Variants in DYSF observed in about 807,000 individuals in gnomAD.
DYSF encodes dystrophy-associated fer-1-like 1.
DYSF carries 212 observed loss-of-function variants against 274.9 expected under a neutral mutation model. That is an observed-to-expected ratio of 0.77 (90% CI 0.69 to 0.86). The LOEUF (loss-of-function observed/expected upper bound fraction) is 0.86, where lower values mean the gene tolerates loss of function less well. Ranked by LOEUF, DYSF falls within the 40% of genes least tolerant of loss-of-function variation. The probability of loss-of-function intolerance (pLI) is 0.00; values close to 1 mark genes in which losing one functional copy is unlikely to be tolerated. For synonymous variants in DYSF, 1,091 were observed against 1,078.7 expected, an observed-to-expected ratio of 1.01 and a Z score of -0.22; for missense variants, 2,666 against 2,783.2, an observed-to-expected ratio of 0.96 and a Z score of 0.95.
At chr2:71,680,905 A>T in intron 53 of DYSF, 96 bp from the exon 54 acceptor site, 3 of 942,308 alleles carry the variant, frequency 3.2e-6, no homozygotes. Context: ...TTTTTTAAAT[A>T]ATGAAGTGGC....
intron 46 of DYSF, among the ~76,000 whole-genome samples, 182 bp from the exon 47 acceptor site, chr2:71,664,980 C>T (rs1340649018): frequency 6.6e-6 from 1 of 152,232 alleles, no homozygotes; most frequent in African/African-American, 2.4e-5. Context: ...TCTCTCTGAG[C>T]CTCCATTTCT....
intron 3 of DYSF, among the ~76,000 whole-genome samples, chr2:71,492,027 C>G (rs1008348743): frequency 6.6e-6 from 1 of 152,084 alleles, no homozygotes; most frequent in African/African-American, 2.4e-5. Context: ...GATTATTTAC[C>G]CTTCACTGCC....
chr2:71,574,397 C>G, intron 30 of DYSF, 26 bp downstream of exon 30: 1 of 1,611,358 alleles, frequency 6.2e-7, no homozygotes, highest in South Asian at 1.1e-5. Flanking sequence ...CTTGTCCTGG[C>G]TTGGGTAGGG....
chr2:71,453,734 A>G (rs2080933642), exon 1 of DYSF: 3 of 541,238 alleles, frequency 5.5e-6, no homozygotes, highest in African/African-American at 1.9e-5. Context: ...GTGGAAGATG[A>G]GCAGAAGCCC....
At chr2:71,504,420 A>G (rs2085289272) in intron 4 of DYSF, among the ~76,000 whole-genome samples, 1 of 152,118 alleles carries the variant, frequency 6.6e-6, no homozygotes, top group Non-Finnish European at 1.5e-5. Context: ...CACTGGCAGA[A>G]TGTTCTGGTT....
At chr2:71,584,434 C>T (rs933493047) in intron 30 of DYSF, among the ~76,000 whole-genome samples, 1 of 152,150 alleles carries the variant, frequency 6.6e-6, no homozygotes, top group Non-Finnish European at 1.5e-5. Flanking sequence ...CATTCCATCC[C>T]ACCCCACAGA....
At chr2:71,493,713 A>G (rs1265367260) in intron 3 of DYSF, among the ~76,000 whole-genome samples, 3 of 152,090 alleles carry the variant, frequency 2.0e-5, no homozygotes, top group African/African-American at 4.8e-5. Context: ...TTAGCCAGGC[A>G]TGATGGCATG....
chr2:71,567,915 G>A (rs760614927), intron 24 of DYSF, 36 bp from the exon 25 acceptor site: 19 of 1,611,830 alleles, frequency 1.2e-5, no homozygotes, highest in African/African-American at 1.3e-5. Context: ...GGATCCTGAA[G>A]GGGACTGTGG....
chr2:71,592,491 C>T lies in DYSF; in HGVS notation c.3574+2203C>T, dbSNP rs573171168. 3.3e-5 allele frequency among the ~76,000 whole-genome samples: 5 copies of T among 152,392 alleles called. No homozygotes were observed. In the East Asian group the frequency reaches 7.7e-4, roughly 23 times the overall value. The stretch of plus-strand genomic sequence containing the variant: ...ATAAAACCCAGAGTGTTTATTTTCA[C>T]TCCCAAACCCTAAACCAAAGCAATT... On this transcript the variant is annotated intron_variant, in intron 32 of 55. Coordinates refer to ENST00000410020, the MANE Select transcript of DYSF (RefSeq NM_001130987.2).
intron 40 of DYSF, among the ~76,000 whole-genome samples, 198 bp downstream of exon 40, chr2:71,613,608 A>C (rs1327995195): frequency 2.0e-5 from 3 of 152,152 alleles, no homozygotes; most frequent in African/African-American, 7.2e-5. Context: ...GGGTGTGCTC[A>C]TCTGGGCAAG....
At chr2:71,512,988 C>T (rs931619828) in intron 5 of DYSF, among the ~76,000 whole-genome samples, 1 of 151,996 alleles carries the variant, frequency 6.6e-6, no homozygotes, top group East Asian at 1.9e-4. Context: ...AGGGAGGGTC[C>T]GAATACTCTG....
At chr2:71,515,920 CCTGCTCTTACTTCT>C (rs2152734907) in intron 8 of DYSF, among the ~76,000 whole-genome samples, 169 bp downstream of exon 8, 1 of 152,272 alleles carries the variant, frequency 6.6e-6, no homozygotes, top group East Asian at 1.9e-4. Flanking sequence ...AGAAAGGGCT[CCTGCTCTTACTTCT>C]CCTGCTGCTC....
At chr2:71,513,076 T>A (rs1216183766) in intron 5 of DYSF, among the ~76,000 whole-genome samples, 164 bp from the exon 6 acceptor site, 4 of 151,526 alleles carry the variant, frequency 2.6e-5, no homozygotes, top group Non-Finnish European at 5.9e-5. Flanking sequence ...TGGGAGGTGG[T>A]GAGAAGGAAC....
chr2:71,537,184 A>G (rs1047095872), intron 16 of DYSF, among the ~76,000 whole-genome samples: 7 of 147,228 alleles, frequency 4.8e-5, no homozygotes, highest in African/African-American at 1.8e-4. Flanking sequence ...TGAGAATATC[A>G]CTGTAAAATA....
chr2:71,543,240 A>G (rs2090118536), intron 17 of DYSF, among the ~76,000 whole-genome samples: 1 of 38,388 alleles, frequency 2.6e-5, no homozygotes, highest in African/African-American at 5.8e-5. Context: ...GGCCGGGCAG[A>G]GGCGCTCCTC....
At chr2:71,578,232 G>A (rs1358212436) in intron 30 of DYSF, among the ~76,000 whole-genome samples, 2 of 152,150 alleles carry the variant, frequency 1.3e-5, no homozygotes, top group Admixed American at 6.5e-5. Context: ...GGCCATCTCG[G>A]AGTAGCACAG....
At chr2:71,585,770 C>G (rs1280313136) in intron 30 of DYSF, among the ~76,000 whole-genome samples, 3 of 152,122 alleles carry the variant, frequency 2.0e-5, no homozygotes, top group African/African-American at 7.2e-5. Context: ...GTGATGGGTG[C>G]ACGCTGGGCA....
At chr2:71,538,005 G>T (rs10170495) in intron 16 of DYSF, among the ~76,000 whole-genome samples, 1 of 152,080 alleles carries the variant, frequency 6.6e-6, no homozygotes, top group African/African-American at 2.4e-5. Context: ...GGTTTTGACC[G>T]CAGGTCTAGC....
At position 71,643,941 on chromosome 2, in the gene DYSF, GTCTCTTTCTTTC is replaced by G. The variant is rs1481302187; in HGVS notation, c.4528-22_4528-11del. On this transcript the variant is annotated splice_polypyrimidine_tract_variant and intron_variant, in intron 41 of 55. Coordinates refer to ENST00000410020, the MANE Select transcript of DYSF (RefSeq NM_001130987.2). Reference sequence around the variant, plus strand: ...CTTGGCGAGTCCTGTTTCTGAAATGGTCTCTTTCTTTCTACCCACTCAGGAGGAAGAGTTCAT... The same window carrying G: ...CTTGGCGAGTCCTGTTTCTGAAATGGTACCCACTCAGGAGGAAGAGTTCAT... 1 of 1,577,274 alleles carries G rather than the reference GTCTCTTTCTTTC, an allele frequency of 6.3e-7. No individual in the cohort carries two copies. Among genetic ancestry groups the G allele is most frequent in the Non-Finnish European group, 8.7e-7 (1 of 1,153,094 alleles).
Sources: allele counts gnomAD v4.1 joint callset (sites outside exome capture counted in the v4.1 genomes callset), GRCh38; gene constraint gnomAD v4.1.1; transcripts MANE v1.5; gene names NCBI Gene and HGNC (gene_info 2026-07-23, HGNC 2026-07-21).